Variants in SMIM3 observed in about 807,000 individuals in gnomAD.
The protein encoded by SMIM3 is small integral membrane protein 3.
Under a neutral mutation model 2.1 loss-of-function variants are expected in SMIM3, and 4 were observed. That is an observed-to-expected ratio of 1.89 (90% CI 0.93 to 4.31). The LOEUF is 4.31. SMIM3 is among the 30% of genes most tolerant of loss of function. The pLI, the probability that SMIM3 is intolerant of heterozygous loss-of-function variation, is 0.01. For synonymous variants in SMIM3, 29 were observed against 30.8 expected (o/e 0.94, Z 0.19); for missense variants, 79 against 77.7 (o/e 1.02, Z -0.06).
intron 1 of SMIM3, among the ~76,000 whole-genome samples, chr5:150,789,435 G>C (rs1753326496): frequency 6.6e-6 from 1 of 152,164 alleles, no homozygotes. Flanking sequence ...GTGCAGCAAA[G>C]GACACGTTTG....
intron 1 of SMIM3, among the ~76,000 whole-genome samples, chr5:150,783,885 C>G (rs1753262455): frequency 6.6e-6 from 1 of 151,268 alleles, no homozygotes; most frequent in Non-Finnish European, 1.5e-5. Flanking sequence ...GTCACGGCAC[C>G]CTAACTAATG....
At chr5:150,779,122 C>T in intron 1 of SMIM3, 150 bp downstream of exon 1, 2 of 400,034 alleles carry the variant, frequency 5.0e-6, no homozygotes, top group South Asian at 3.8e-5. Flanking sequence ...CCCTTTTCAT[C>T]ACTTTTGTAT....
At position 150,795,668 on chromosome 5, in the gene SMIM3, A is replaced by G. The variant is rs1225600561; in HGVS notation, c.*45A>G. The G allele has an allele frequency of 6.6e-7, 1 of 1,522,786 alleles. No individual in the cohort carries two copies. Among genetic ancestry groups the G allele is most frequent in the Non-Finnish European group, 8.8e-7 (1 of 1,135,554 alleles). The allele number at this position is 1,522,786 out of a possible 1,614,324, so 94.3% of individuals were successfully genotyped here. ...GGTGAGGGATGAGGACAGGCATCCT[A>G]TCCCCAGCCTCTTCCTGTCTTCAGA... On this transcript the variant is annotated 3_prime_UTR_variant, in exon 2 of 2. Coordinates refer to ENST00000526627, the MANE Select transcript of SMIM3 (RefSeq NM_032947.5).
chr5:150,796,304 T>G lies in SMIM3; in HGVS notation c.*681T>G, dbSNP rs2113209987. The G allele has an allele frequency of 2.0e-5, 3 of 152,920 alleles. No homozygotes were observed. Among genetic ancestry groups the G allele is most frequent in the Admixed American group, 2.0e-4 (3 of 15,294 alleles). The allele number at this position is 152,920 out of a possible 1,614,324, so 9.5% of individuals were successfully genotyped here. Reference sequence around the variant, plus strand: ...GTCTCACATCTGTTAGCTTTGACACTCAAGCAATGTTGGAAAATGCAGGGT... The same window carrying G: ...GTCTCACATCTGTTAGCTTTGACACGCAAGCAATGTTGGAAAATGCAGGGT... On this transcript the variant is annotated 3_prime_UTR_variant, in exon 2 of 2. Coordinates refer to ENST00000526627, the MANE Select transcript of SMIM3 (RefSeq NM_032947.5).
chr5:150,779,331 C>T (rs1753207821), intron 1 of SMIM3, among the ~76,000 whole-genome samples: 1 of 152,156 alleles, frequency 6.6e-6, no homozygotes, highest in African/African-American at 2.4e-5. Flanking sequence ...CACCTCCTGG[C>T]TCTCCAGGCC....
At chr5:150,781,661 T>C (rs1753234476) in intron 1 of SMIM3, among the ~76,000 whole-genome samples, 1 of 152,204 alleles carries the variant, frequency 6.6e-6, no homozygotes, top group Admixed American at 6.5e-5. Flanking sequence ...GGCATTATTC[T>C]GCTTTCCACA....
intron 1 of SMIM3, among the ~76,000 whole-genome samples, chr5:150,779,309 C>T (rs1753207682): frequency 6.6e-6 from 1 of 152,176 alleles, no homozygotes; most frequent in Non-Finnish European, 1.5e-5. Flanking sequence ...GCCTCCTCCT[C>T]GGGCAGACTG....
chr5:150,789,636 C>T (rs1353686056), intron 1 of SMIM3, among the ~76,000 whole-genome samples: 1 of 152,158 alleles, frequency 6.6e-6, no homozygotes, highest in African/African-American at 2.4e-5. Context: ...AGTAGCACTG[C>T]CCTACCAAGT....
intron 1 of SMIM3, among the ~76,000 whole-genome samples, chr5:150,788,633 C>CAAA (rs765111003): frequency 1.3e-3 from 104 of 80,000 alleles, no homozygotes; most frequent in African/African-American, 3.5e-3. Flanking sequence ...GACTGTGTCT[C>CAAA]AAAAAAAAAA....
intron 1 of SMIM3, among the ~76,000 whole-genome samples, chr5:150,784,601 C>T (rs1343003902): frequency 7.2e-5 from 11 of 152,168 alleles, no homozygotes; most frequent in African/African-American, 2.4e-4. Flanking sequence ...TAAAAGTCTA[C>T]TTGGCCTTAT....
chr5:150,789,452 G>A (rs193076016), intron 1 of SMIM3, among the ~76,000 whole-genome samples: 9 of 152,252 alleles, frequency 5.9e-5, no homozygotes, highest in African/African-American at 1.4e-4. Context: ...TTTGAGTTTC[G>A]AGAAGAGTGA....
chr5:150,779,836 C>T (rs921375187), intron 1 of SMIM3, among the ~76,000 whole-genome samples: 3 of 112,168 alleles, frequency 2.7e-5, no homozygotes, highest in African/African-American at 8.0e-5. Flanking sequence ...GTAACCCCCC[C>T]CGCCCCCCCC....
rs936022893 is a variant in SMIM3 at position 150,778,786 on chromosome 5, C to A, written c.-198C>A. The A allele has an allele frequency of 2.2e-6, 1 of 461,202 alleles. No individual in the cohort carries two copies. Among genetic ancestry groups the A allele is most frequent in the East Asian group, 6.9e-5 (1 of 14,470 alleles). 28.6% of individuals were successfully genotyped at this position (461,202 alleles called of 1,614,324 possible). A position where few individuals can be genotyped will look rare whatever the true frequency, so the allele number is the denominator to read the frequency against. ...TCCAGAGCCAGCAGCGCGTCCTGGCCGCTCCTGCGCTCTCCCGCCTCCCGG... is the reference window on the plus strand; with the variant it reads ...TCCAGAGCCAGCAGCGCGTCCTGGCAGCTCCTGCGCTCTCCCGCCTCCCGG... On this transcript the variant is annotated 5_prime_UTR_variant, in exon 1 of 2. Coordinates refer to ENST00000526627, the MANE Select transcript of SMIM3 (RefSeq NM_032947.5).
At chr5:150,787,905 G>T (rs886502228) in intron 1 of SMIM3, among the ~76,000 whole-genome samples, 7 of 152,126 alleles carry the variant, frequency 4.6e-5, no homozygotes, top group Non-Finnish European at 1.0e-4. Context: ...GTAATAGTAA[G>T]TCCTGAGAGA....
intron 1 of SMIM3, 125 bp from the exon 2 acceptor site, chr5:150,795,305 C>A (rs1007957623): frequency 5.1e-6 from 5 of 971,238 alleles, no homozygotes; most frequent in Middle Eastern, 3.1e-4. Flanking sequence ...AATTACTAAT[C>A]AGGGAACCTT....
At chr5:150,791,325 T>C (rs1362243297) in intron 1 of SMIM3, among the ~76,000 whole-genome samples, 1 of 152,132 alleles carries the variant, frequency 6.6e-6, no homozygotes, top group Non-Finnish European at 1.5e-5. Flanking sequence ...GACTAATAAA[T>C]AAATTAATTT....
chr5:150,790,037 C>T (rs142590689), intron 1 of SMIM3, among the ~76,000 whole-genome samples: 2 of 152,220 alleles, frequency 1.3e-5, no homozygotes, highest in East Asian at 1.9e-4. Flanking sequence ...TATTCATCTA[C>T]TTGTTCTGTT....
intron 1 of SMIM3, among the ~76,000 whole-genome samples, chr5:150,782,603 T>C (rs1753247338): frequency 1.3e-5 from 2 of 152,080 alleles, no homozygotes; most frequent in Non-Finnish European, 2.9e-5. Flanking sequence ...ATGTACAGGG[T>C]GGGCTGGGGA....
At chr5:150,792,672 C>A (rs1167337660) in intron 1 of SMIM3, among the ~76,000 whole-genome samples, 1 of 152,002 alleles carries the variant, frequency 6.6e-6, no homozygotes, top group Non-Finnish European at 1.5e-5. Flanking sequence ...GTAGCTGGGA[C>A]TACAGATATA....
Sources: allele counts gnomAD v4.1 joint callset (sites outside exome capture counted in the v4.1 genomes callset), GRCh38; gene constraint gnomAD v4.1.1; transcripts MANE v1.5; gene names NCBI Gene and HGNC (gene_info 2026-07-23, HGNC 2026-07-21).